The following NEDD4 variants were observed in gnomAD, a reference collection of about 807,000 sequenced individuals.
NEDD4 encodes NEDD4 E3 ubiquitin protein ligase.
NEDD4 carries 99 observed loss-of-function variants against 144.9 expected under a neutral mutation model. That is an observed-to-expected ratio of 0.68 (90% CI 0.58 to 0.81). The LOEUF (loss-of-function observed/expected upper bound fraction) is 0.81, where lower values mean the gene tolerates loss of function less well. Among genes scored for constraint, NEDD4 ranks in the 30% least tolerant of loss-of-function variants. The pLI, the probability that NEDD4 is intolerant of heterozygous loss-of-function variation, is 0.00. For synonymous variants in NEDD4, 318 were observed against 350.6 expected (o/e 0.91, Z 1.04); for missense variants, 985 against 1,065.9 (o/e 0.92, Z 1.06).
chr15:55,977,462 A>G (rs1344622118), intron 1 of NEDD4, among the ~76,000 whole-genome samples: 9 of 152,220 alleles, frequency 5.9e-5, no homozygotes, highest in African/African-American at 2.2e-4. Flanking sequence ...ATTTCTCAGA[A>G]TGTATCCGTT....
intron 1 of NEDD4, among the ~76,000 whole-genome samples, chr15:55,977,877 A>G: frequency 6.6e-6 from 1 of 152,160 alleles, no homozygotes; most frequent in Non-Finnish European, 1.5e-5. Context: ...ACTACGTTAC[A>G]CAGGTAGGAA....
intron 5 of NEDD4, among the ~76,000 whole-genome samples, chr15:55,876,213 G>C (rs2034987532): frequency 6.6e-6 from 1 of 152,186 alleles, no homozygotes; most frequent in African/African-American, 2.4e-5. Context: ...GAGATAATTT[G>C]TCATCAGCAG....
intron 2 of NEDD4, among the ~76,000 whole-genome samples, chr15:55,960,122 C>T (rs2037401572): frequency 6.6e-6 from 1 of 152,180 alleles, no homozygotes; most frequent in South Asian, 2.1e-4. Context: ...GCTCCACTGA[C>T]CCCATACCCC....
chr15:55,848,470 CAT>C, intron 16 of NEDD4, 40 bp from the exon 17 acceptor site: 1 of 1,612,746 alleles, frequency 6.2e-7, no homozygotes, highest in Non-Finnish European at 8.5e-7. Context: ...CTTTCTCACA[CAT>C]AAAATTTATT....
chr15:55,940,200 T>C (rs1447318354), intron 4 of NEDD4, among the ~76,000 whole-genome samples: 1 of 152,138 alleles, frequency 6.6e-6, no homozygotes, highest in African/African-American at 2.4e-5. Context: ...TTTAATACTA[T>C]ATTATACACC....
At chr15:55,862,790 C>A in intron 9 of NEDD4, 123 bp downstream of exon 9, 1 of 844,116 alleles carries the variant, frequency 1.2e-6, no homozygotes, top group Non-Finnish European at 1.7e-6. Flanking sequence ...AATAAAAATC[C>A]TAGTATTCTT....
chr15:55,960,189 G>A (rs1427557196), intron 2 of NEDD4, among the ~76,000 whole-genome samples: 1 of 152,198 alleles, frequency 6.6e-6, no homozygotes, highest in Non-Finnish European at 1.5e-5. Context: ...GTAATATTGA[G>A]TGTCAACTTC....
At chr15:55,954,030 T>G (rs989553013) in intron 2 of NEDD4, among the ~76,000 whole-genome samples, 1 of 152,060 alleles carries the variant, frequency 6.6e-6, no homozygotes, top group Non-Finnish European at 1.5e-5. Flanking sequence ...CTTCATTTCC[T>G]TAATTCATGT....
chr15:55,869,783 C>G, intron 7 of NEDD4, 102 bp from the exon 8 acceptor site: 1 of 708,612 alleles, frequency 1.4e-6, no homozygotes, highest in Non-Finnish European at 2.3e-6. Context: ...AGGGGGTCTA[C>G]AAAGGGAGGT....
chr15:55,932,413 C>A lies in NEDD4; in HGVS notation c.238-7714G>T, dbSNP rs1017418675. ...TGACAAACCTGACAAAAACAAGAAA[C>A]GGGGAAAGGATTCCCTATTTAATAA... is the stretch of plus-strand genomic sequence containing the variant. On this transcript the variant is annotated intron_variant, in intron 4 of 28. Coordinates refer to ENST00000435532, the MANE Select transcript of NEDD4 (RefSeq NM_006154.4). 4.6e-5 allele frequency among the ~76,000 whole-genome samples: 7 copies of A among 151,712 alleles called. 1 individual carries two copies. The highest frequency in any genetic ancestry group is 1.7e-4 in the African/African-American group (7 of 41,344).
At chr15:55,885,155 G>A (rs2035339784) in intron 5 of NEDD4, among the ~76,000 whole-genome samples, 1 of 152,150 alleles carries the variant, frequency 6.6e-6, no homozygotes, top group Non-Finnish European at 1.5e-5. Context: ...CATTTTAGAA[G>A]TGCTGAAGTA....
chr15:55,967,200 A>G (rs151055629), intron 1 of NEDD4, among the ~76,000 whole-genome samples: 2,898 of 152,238 alleles, frequency 0.019, 28 homozygotes, highest in Non-Finnish European at 0.029. Flanking sequence ...ATAATTTGTA[A>G]TAACTACTTA....
chr15:55,943,434 TG>T (rs2037045395), intron 4 of NEDD4, among the ~76,000 whole-genome samples: 1 of 152,242 alleles, frequency 6.6e-6, no homozygotes, highest in South Asian at 2.1e-4. Context: ...TACACAACCT[TG>T]GGACACTGCT....
At position 55,850,581 on chromosome 15, in the gene NEDD4, C is replaced by G; in HGVS notation, c.1308G>C (p.Arg436Ser). ...TAGTGTTGTGGTCAATAAAGAAAGGCCTCCCATTTGGTGCATGCCGGACTT... is the reference window on the plus strand; with the variant it reads ...TAGTGTTGTGGTCAATAAAGAAAGGGCTCCCATTTGGTGCATGCCGGACTT... Reference protein sequence around the residue: ...GWEVRHAPNGRPFFIDHNTKT... With the variant: ...GWEVRHAPNGSPFFIDHNTKT... The change falls in exon 14 of 29, where the codon AGG (arginine) becomes AGC (serine). Residue 436 changes from arginine (R) to serine (S), a missense_variant. Transcript: ENST00000435532. 1 of 1,614,088 alleles carries G rather than the reference C, an allele frequency of 6.2e-7. No homozygotes were observed. Among genetic ancestry groups the G allele is most frequent in the Non-Finnish European group, 8.5e-7 (1 of 1,180,006 alleles).
intron 1 of NEDD4, among the ~76,000 whole-genome samples, chr15:55,988,438 G>A (rs58044230): frequency 0.33 from 35,926 of 108,630 alleles, 6,503 homozygotes; most frequent in Middle Eastern, 0.45. Flanking sequence ...ACTAACCTGC[G>A]CAATGTGCAC....
intron 18 of NEDD4, 121 bp from the exon 19 acceptor site, chr15:55,842,284 A>G: frequency 1.3e-6 from 1 of 782,008 alleles, no homozygotes; most frequent in Non-Finnish European, 2.0e-6. Flanking sequence ...TCCTTACGTA[A>G]TATACTCAGG....
intron 2 of NEDD4, among the ~76,000 whole-genome samples, chr15:55,958,317 A>T (rs981255234): frequency 6.6e-6 from 1 of 152,190 alleles, no homozygotes; most frequent in African/African-American, 2.4e-5. Context: ...GTATTAATAC[A>T]GTGAATTGCA....
At chr15:55,861,847 AG>A (rs1426405328) in intron 9 of NEDD4, among the ~76,000 whole-genome samples, 5 of 152,188 alleles carry the variant, frequency 3.3e-5, no homozygotes, top group African/African-American at 1.2e-4. Flanking sequence ...CAGGCTAGTC[AG>A]AAGACCAGTT....
At position 55,978,141 on chromosome 15, in the gene NEDD4, C is replaced by T. The variant is rs1179623243; in HGVS notation, c.46-11595G>A. ...TATTAAAAACCATCCATGTTAGCCTCGACTGAAACACTCCCCAGCCTCCTG... is the reference window on the plus strand; with the variant it reads ...TATTAAAAACCATCCATGTTAGCCTTGACTGAAACACTCCCCAGCCTCCTG... On this transcript the variant is annotated intron_variant, in intron 1 of 28. Transcript: ENST00000435532. Among the ~76,000 whole-genome samples the T allele has an allele frequency of 2.0e-5, 3 of 152,122 alleles. No homozygotes were observed. In the South Asian group the frequency reaches 6.2e-4, roughly 32 times the overall value.
Sources: gnomAD v4.1 joint callset for allele counts (sites outside exome capture counted in the v4.1 genomes callset) on GRCh38, gnomAD v4.1.1 for gene constraint, MANE v1.5 for transcripts, NCBI Gene and HGNC (gene_info 2026-07-23, HGNC 2026-07-21) for gene names.